The following GARRE1 variants were observed in gnomAD, a reference collection of about 807,000 sequenced individuals.
The protein encoded by GARRE1 is granule associated Rac and RHOG effector protein 1.
A neutral mutation model predicts 103.2 loss-of-function variants in GARRE1; 49 were observed. The ratio of observed to expected loss-of-function variants is 0.47; its 90% CI spans 0.38 to 0.60. The LOEUF is 0.60. GARRE1 is among the 20% of genes least tolerant of loss of function. The pLI, the probability that GARRE1 is intolerant of heterozygous loss-of-function variation, is 0.00. For synonymous variants in GARRE1, 505 were observed against 532.8 expected, an observed-to-expected ratio of 0.95 and a Z score of 0.72; for missense variants, 1,199 against 1,370.5, an observed-to-expected ratio of 0.87 and a Z score of 1.98.
intron 8 of GARRE1, among the ~76,000 whole-genome samples, chr19:34,339,210 G>C (rs1429127220): frequency 2.6e-5 from 4 of 152,164 alleles, no homozygotes; most frequent in Non-Finnish European, 5.9e-5. Flanking sequence ...CCCCACTTCA[G>C]ATGCCATCCA....
chr19:34,299,003 G>A (rs1055779602), intron 1 of GARRE1, among the ~76,000 whole-genome samples: 1 of 152,104 alleles, frequency 6.6e-6, no homozygotes, highest in South Asian at 2.1e-4. Flanking sequence ...AACTGGTACC[G>A]GAGTGAGGAT....
intron 1 of GARRE1, among the ~76,000 whole-genome samples, chr19:34,270,906 G>C (rs995259449): frequency 6.6e-6 from 1 of 152,122 alleles, no homozygotes; most frequent in East Asian, 1.9e-4. Context: ...GGGATGTTCA[G>C]CAGCACTTCT....
chr19:34,277,581 C>T (rs1455366440), intron 1 of GARRE1, among the ~76,000 whole-genome samples: 1 of 152,118 alleles, frequency 6.6e-6, no homozygotes, highest in East Asian at 1.9e-4. Flanking sequence ...GTACTGTGTA[C>T]TTCCTATTTT....
intron 8 of GARRE1, among the ~76,000 whole-genome samples, chr19:34,335,088 T>C (rs1157715030): frequency 6.6e-6 from 1 of 151,742 alleles, no homozygotes; most frequent in Non-Finnish European, 1.5e-5. Context: ...GCCCAGAATA[T>C]TGTTAAATTG....
intron 9 of GARRE1, among the ~76,000 whole-genome samples, chr19:34,340,269 TAACTC>T (rs1256326419): frequency 6.6e-6 from 1 of 152,208 alleles, no homozygotes; most frequent in Non-Finnish European, 1.5e-5. Context: ...AGAGGACTTT[TAACTC>T]AACTCATATT....
At chr19:34,277,699 C>G (rs938366008) in intron 1 of GARRE1, among the ~76,000 whole-genome samples, 1 of 152,052 alleles carries the variant, frequency 6.6e-6, no homozygotes, top group African/African-American at 2.4e-5. Context: ...ATAAACTTCT[C>G]CATCAAGTTT....
intron 3 of GARRE1, among the ~76,000 whole-genome samples, chr19:34,321,687 A>G (rs2074089772): frequency 1.3e-5 from 2 of 152,172 alleles, no homozygotes; most frequent in African/African-American, 4.8e-5. Flanking sequence ...CGTCTTGGCC[A>G]GGCTGGTCTT....
chr19:34,348,801 C>T, intron 11 of GARRE1: 3 of 566,704 alleles, frequency 5.3e-6, no homozygotes. Context: ...CATATACAAA[C>T]CATAGGCTTC....
intron 6 of GARRE1, among the ~76,000 whole-genome samples, 168 bp from the exon 7 acceptor site, chr19:34,330,021 G>A (rs140927708): frequency 7.7e-4 from 118 of 152,262 alleles, no homozygotes; most frequent in African/African-American, 2.7e-3. Context: ...AGGGGTCTAG[G>A]CTGCAGTGAG....
chr19:34,318,941 G>A (rs1035992153), intron 2 of GARRE1, among the ~76,000 whole-genome samples: 13 of 152,136 alleles, frequency 8.5e-5, no homozygotes, highest in African/African-American at 3.1e-4. Context: ...CTTAAACCCA[G>A]GATGTGGAGG....
intron 1 of GARRE1, 136 bp from the exon 2 acceptor site, chr19:34,299,543 T>C (rs1435102580): frequency 1.3e-5 from 2 of 152,260 alleles, no homozygotes; most frequent in African/African-American, 4.8e-5. Flanking sequence ...TGCTCACTAT[T>C]GTACCTGCTC....
chr19:34,291,165 C>T (rs1399090631), intron 1 of GARRE1, among the ~76,000 whole-genome samples: 1 of 151,978 alleles, frequency 6.6e-6, no homozygotes, highest in Non-Finnish European at 1.5e-5. Context: ...ACCTCAGCCT[C>T]CCAAAGTGCT....
intron 7 of GARRE1, among the ~76,000 whole-genome samples, chr19:34,333,361 C>G (rs2074146008): frequency 6.6e-6 from 1 of 152,164 alleles, no homozygotes; most frequent in South Asian, 2.1e-4. Context: ...TTCAGTGACA[C>G]TTTTACTTCT....
At chr19:34,307,239 A>G (rs1166258196) in intron 2 of GARRE1, among the ~76,000 whole-genome samples, 1 of 152,160 alleles carries the variant, frequency 6.6e-6, no homozygotes, top group Non-Finnish European at 1.5e-5. Flanking sequence ...ATGGGAGGGC[A>G]GCAGGCTGGG....
intron 2 of GARRE1, among the ~76,000 whole-genome samples, chr19:34,313,957 C>T (rs569779667): frequency 1.3e-5 from 2 of 152,102 alleles, no homozygotes; most frequent in Admixed American, 6.5e-5. Context: ...TGCACCACCA[C>T]GCCCGGCTGA....
intron 1 of GARRE1, among the ~76,000 whole-genome samples, chr19:34,272,318 ATT>A (rs576713434): frequency 2.6e-5 from 4 of 152,238 alleles, no homozygotes; most frequent in Admixed American, 2.0e-4. Flanking sequence ...GGTTCAAGTG[ATT>A]CCCAGATAGC....
intron 1 of GARRE1, among the ~76,000 whole-genome samples, chr19:34,263,162 A>G (rs1456332555): frequency 6.6e-6 from 1 of 152,098 alleles, no homozygotes; most frequent in Admixed American, 6.6e-5. Flanking sequence ...GCAGTGAGCC[A>G]AGATCGTGCC....
chr19:34,344,049 C>T (rs1043278063), intron 10 of GARRE1, among the ~76,000 whole-genome samples: 4 of 151,894 alleles, frequency 2.6e-5, no homozygotes, highest in African/African-American at 9.7e-5. Flanking sequence ...AATAAGTGGT[C>T]TAAGCTTTGG....
In GARRE1 at chr19:34,313,539, G is replaced by A. The variant is rs543388018; in HGVS notation, c.496-6368G>A. Among the ~76,000 whole-genome samples the A allele has an allele frequency of 3.3e-5, 5 of 152,304 alleles. No homozygotes were observed. The East Asian group carries it at 9.7e-4, about 29-fold the overall frequency. Reference sequence around the variant, plus strand: ...GGGAGGCATCTAGTGCGACAGAGCGGCCTCACCCAAGTGATGTGTCATGAT... The same window carrying A: ...GGGAGGCATCTAGTGCGACAGAGCGACCTCACCCAAGTGATGTGTCATGAT... On this transcript the variant is annotated intron_variant, in intron 2 of 13. Coordinates refer to ENST00000299505, the MANE Select transcript of GARRE1 (RefSeq NM_014686.5).
Sources: gnomAD v4.1 joint callset for allele counts (sites outside exome capture counted in the v4.1 genomes callset) on GRCh38, gnomAD v4.1.1 for gene constraint, MANE v1.5 for transcripts, NCBI Gene and HGNC (gene_info 2026-07-23, HGNC 2026-07-21) for gene names.